Variants in KDM4B observed in about 807,000 individuals in gnomAD.
KDM4B encodes the protein lysine-specific demethylase 4B.
In KDM4B, 32 loss-of-function variants were observed where a neutral mutation model predicts 125.2. The ratio of observed to expected loss-of-function variants is 0.26; its 90% CI spans 0.19 to 0.34. The LOEUF (loss-of-function observed/expected upper bound fraction) is 0.34. Among genes scored for constraint, KDM4B ranks in the 10% least tolerant of loss-of-function variants. The pLI is 1.00. For synonymous variants in KDM4B, 721 were observed against 677.9 expected, an observed-to-expected ratio of 1.06 and a Z score of -0.99; for missense variants, 1,190 against 1,577.7, an observed-to-expected ratio of 0.75 and a Z score of 4.16.
intron 15 of KDM4B, among the ~76,000 whole-genome samples, chr19:5,137,025 C>T (rs548903835): frequency 6.6e-6 from 1 of 152,344 alleles, no homozygotes; most frequent in South Asian, 2.1e-4. Context: ...CTCCTGCGTC[C>T]TCTTTCCACA....
intron 9 of KDM4B, among the ~76,000 whole-genome samples, chr19:5,094,737 G>A (rs577419377): frequency 1.3e-5 from 2 of 152,284 alleles, no homozygotes; most frequent in South Asian, 4.1e-4. Flanking sequence ...GTTGAGATGC[G>A]TCAGAGCCTG....
chr19:5,114,398 C>T lies in KDM4B; in HGVS notation c.1115+3580C>T, dbSNP rs148048943. The stretch of plus-strand genomic sequence containing the variant: ...TCGCCCCTGCGCCAGTGCAGGACAC[C>T]GCCACGCCTCTGGCCCCGACTCCTG... On this transcript the variant is annotated intron_variant, in intron 10 of 22. Coordinates refer to ENST00000159111, the MANE Select transcript of KDM4B (RefSeq NM_015015.3). The surrounding 1 kb of genome is among the most constrained non-coding windows in gnomAD (Gnocchi z 5.8). The T allele has an allele frequency of 1.6e-3, 777 of 486,684 alleles. 21 individuals carry two copies. The East Asian group carries it at 0.044, about 27-fold the overall frequency. 30.1% of individuals were successfully genotyped at this position (486,684 alleles called of 1,614,324 possible).
Position 5,133,485 on chromosome 19 carries a change from T to G in KDM4B, c.1907-398T>G, listed in dbSNP as rs932717112. 3.9e-5 allele frequency among the ~76,000 whole-genome samples: 6 copies of G among 152,160 alleles called. No individual in the cohort carries two copies. The South Asian group carries it at 6.2e-4, about 16-fold the overall frequency. On this transcript the variant is annotated intron_variant, in intron 13 of 22. Transcript: ENST00000159111. ...ACTCAGACTCAGACCCCAGGACGGG[T>G]GTAGGGCAGCCGGGGCAGGGCTGGG...
rs113583763 is a variant in KDM4B, at chr19:4,995,028, T to C, written c.-108-21229T>C. On this transcript the variant is annotated intron_variant, in intron 1 of 22. Transcript: ENST00000159111. ...CAATGGCTTGGGTTTTCAAGGATGCTGATGTGTTTGTTTGCCTGAATGGTG... is the reference window on the plus strand; with the variant it reads ...CAATGGCTTGGGTTTTCAAGGATGCCGATGTGTTTGTTTGCCTGAATGGTG... 5.3e-5 allele frequency among the ~76,000 whole-genome samples: 8 copies of C among 152,362 alleles called. 2 individuals carry two copies. The highest frequency in any genetic ancestry group is 1.9e-4 in the African/African-American group (8 of 41,584).
intron 6 of KDM4B, among the ~76,000 whole-genome samples, chr19:5,058,941 A>AT (rs1442377717): frequency 6.6e-6 from 1 of 152,174 alleles, no homozygotes; most frequent in Non-Finnish European, 1.5e-5. Context: ...TTGAAATGTC[A>AT]TCACTGGGCG....
At chr19:5,034,644 C>G (rs1055381390) in intron 3 of KDM4B, among the ~76,000 whole-genome samples, 1 of 152,200 alleles carries the variant, frequency 6.6e-6, no homozygotes, top group African/African-American at 2.4e-5. Flanking sequence ...CCTGCCTTTC[C>G]GGGCCGCCTC....
chr19:5,043,802 C>T (rs1486237001), intron 5 of KDM4B, among the ~76,000 whole-genome samples: 1 of 121,798 alleles, frequency 8.2e-6, no homozygotes, highest in Admixed American at 8.5e-5. Context: ...CCTTATCCCG[C>T]GTGGTGTTTA....
At position 5,108,089 on chromosome 19, in the gene KDM4B, G is replaced by A. The variant is rs541269095; in HGVS notation, c.919-2533G>A. ...AGCCCCAGCCGGGCAAGGGGGCTCA[G>A]GCCGTGCTCCAGGCCGTGGCAGTGC... On this transcript the variant is annotated intron_variant, in intron 9 of 22. Transcript: ENST00000159111. 3.9e-5 allele frequency among the ~76,000 whole-genome samples: 6 copies of A among 152,376 alleles called. No individual in the cohort carries two copies. In the East Asian group the frequency reaches 9.6e-4, roughly 25 times the overall value.
intron 2 of KDM4B, among the ~76,000 whole-genome samples, chr19:5,021,958 C>G (rs986114682): frequency 2.0e-5 from 3 of 152,122 alleles, no homozygotes; most frequent in African/African-American, 7.2e-5. Flanking sequence ...AGAGACTTGG[C>G]ACGCATTTTT....
At chr19:4,977,185 G>A (rs1008354967) in intron 1 of KDM4B, among the ~76,000 whole-genome samples, 2 of 152,130 alleles carry the variant, frequency 1.3e-5, no homozygotes, top group Non-Finnish European at 2.9e-5. Flanking sequence ...AGCCATCTCC[G>A]CCCTGCTGGC....
rs59763642 is a variant in KDM4B at position 5,011,099 on chromosome 19, G to A, written c.-108-5158G>A. 4.2e-3 allele frequency among the ~76,000 whole-genome samples: 636 copies of A among 152,212 alleles called. 8 individuals are homozygous for A. Among genetic ancestry groups the A allele is most frequent in the African/African-American group, 0.014 (586 of 41,522 alleles). ...AGCCCCTCGCATGTCCTTTCTGCCC[G>A]CTCCCATCCTGTCAAGCCTTCCCTT... On this transcript the variant is annotated intron_variant, in intron 1 of 22. Transcript: ENST00000159111.
At position 5,091,150 on chromosome 19, in the gene KDM4B, G is replaced by A. The variant is rs534849333; in HGVS notation, c.918+8646G>A. Among the ~76,000 whole-genome samples, 48 of 152,362 alleles carry A rather than the reference G, an allele frequency of 3.2e-4. No homozygotes were observed. In the South Asian group the frequency reaches 7.2e-3, roughly 23 times the overall value. On this transcript the variant is annotated intron_variant, in intron 9 of 22. Coordinates refer to ENST00000159111, the MANE Select transcript of KDM4B (RefSeq NM_015015.3). ...ACGCCATGTTAGATTAGCTCAGCAC[G>A]CGGCCGGGCTGGCCCCGAGGTGGGT...
At chr19:5,132,076 G>C (rs1211415082) in intron 13 of KDM4B, 69 bp downstream of exon 13, 9 of 1,477,414 alleles carry the variant, frequency 6.1e-6, no homozygotes, top group African/African-American at 2.8e-5. Context: ...TGGAGGGGGG[G>C]CCTGGCTCCC....
chr19:5,131,649 A>AGGTGGGGTGGGGCCG, intron 12 of KDM4B, 104 bp downstream of exon 12: 2 of 232,644 alleles, frequency 8.6e-6, no homozygotes, highest in Non-Finnish European at 1.5e-5. Context: ...GGGAGGGGGC[A>AGGTGGGGTGGGGCCG]GGGAGGAGGG....
chr19:5,042,681 AGGGG>A (rs372964471), intron 5 of KDM4B, among the ~76,000 whole-genome samples: 1 of 145,150 alleles, frequency 6.9e-6, no homozygotes, highest in African/African-American at 2.6e-5. Context: ...GGAGAGAGTG[AGGGG>A]GGGGGCGCCG....
intron 6 of KDM4B, among the ~76,000 whole-genome samples, chr19:5,068,702 C>A (rs1202652725): frequency 6.6e-6 from 1 of 152,192 alleles, no homozygotes; most frequent in Non-Finnish European, 1.5e-5. Context: ...GTGGCGGAGC[C>A]CAGAAGTCTC....
At chr19:5,004,350 C>A (rs1205613205) in intron 1 of KDM4B, among the ~76,000 whole-genome samples, 3 of 152,220 alleles carry the variant, frequency 2.0e-5, no homozygotes, top group South Asian at 2.1e-4. Flanking sequence ...CCTCACCCGG[C>A]CTGGAGTGCA....
At chr19:5,093,552 A>C (rs540715790) in intron 9 of KDM4B, among the ~76,000 whole-genome samples, 88 of 152,300 alleles carry the variant, frequency 5.8e-4, no homozygotes, top group African/African-American at 1.9e-3. Flanking sequence ...AGCGCTGATA[A>C]TTACATCAGA....
chr19:5,151,931 G>T lies in KDM4B; in HGVS notation c.*420G>T, dbSNP rs577294905. On this transcript the variant is annotated 3_prime_UTR_variant, in exon 23 of 23. Transcript: ENST00000159111. Reference sequence around the variant, plus strand: ...AACAAAGGAAAATATCCCCAAAGTTGTTTTCTAGATTTGTGGCTTTAAGAA... The same window carrying T: ...AACAAAGGAAAATATCCCCAAAGTTTTTTTCTAGATTTGTGGCTTTAAGAA... 9.3e-4 allele frequency: 154 copies of T among 165,044 alleles called. 3 individuals are homozygous for T. The South Asian group carries it at 0.029, about 32-fold the overall frequency. The allele number at this position is 165,044 out of a possible 1,614,324, so 10.2% of individuals were successfully genotyped here.
Sources: allele counts gnomAD v4.1 joint callset (sites outside exome capture counted in the v4.1 genomes callset), GRCh38; gene constraint gnomAD v4.1.1; non-coding constraint Gnocchi (gnomAD v3.1); transcripts MANE v1.5; gene names NCBI Gene and HGNC (gene_info 2026-07-23, HGNC 2026-07-21).